The following SHBG variants were observed in gnomAD, a reference collection of about 807,000 sequenced individuals.
The protein encoded by SHBG is sex hormone binding globulin.
Under a neutral mutation model 41.9 loss-of-function variants are expected in SHBG, and 37 were observed. The observed-to-expected ratio is 0.88, with a 90% CI of 0.68 to 1.16. The LOEUF (loss-of-function observed/expected upper bound fraction) is 1.16, where lower values mean the gene tolerates loss of function less well. Ranked by LOEUF, SHBG falls within the 50% of genes most tolerant of loss-of-function variation. The pLI is 0.00. For missense variants in SHBG, 466 were observed against 499.9 expected, an observed-to-expected ratio of 0.93 and a Z score of 0.65; for synonymous variants, 217 against 205.8, an observed-to-expected ratio of 1.05 and a Z score of -0.47.
upstream of SHBG, chr17:7,630,050 C>T: frequency 2.4e-6 from 2 of 823,014 alleles, no homozygotes; most frequent in Non-Finnish European, 2.1e-6. This position sits in a 1 kb window ranked among gnomAD's most constrained non-coding sequence, Gnocchi z 4.6. Context: ...GTCAGTGCCC[C>T]TGTTTCCTTT....
chr17:7,617,354 C>A (rs1453508728), intron 1 of SHBG, among the ~76,000 whole-genome samples: 2 of 152,082 alleles, frequency 1.3e-5, no homozygotes, highest in Non-Finnish European at 2.9e-5. Context: ...GTAATCCCAG[C>A]ACTTTGGGAG....
chr17:7,621,602 A>T (rs1165226163), intron 1 of SHBG, among the ~76,000 whole-genome samples: 1 of 44,498 alleles, frequency 2.2e-5, no homozygotes, highest in African/African-American at 4.1e-5. Context: ...GTCTCCGTCT[A>T]AAAAAAAAAA....
chr17:7,618,443 GTTTTTTTTGT>G (rs2072031602), intron 1 of SHBG, among the ~76,000 whole-genome samples: 1 of 72,530 alleles, frequency 1.4e-5, no homozygotes, highest in Non-Finnish European at 2.9e-5. Flanking sequence ...GGCTAGGTTT[GTTTTTTTTGT>G]TTTTGTTTTT....
intron 1 of SHBG, chr17:7,614,366 A>C: frequency 9.9e-7 from 1 of 1,011,478 alleles, no homozygotes; most frequent in Non-Finnish European, 1.4e-6. Flanking sequence ...ACTCAGCTCC[A>C]GAAGCTCGAT....
intron 1 of SHBG, among the ~76,000 whole-genome samples, chr17:7,622,032 A>G (rs929615266): frequency 4.7e-5 from 7 of 149,468 alleles, no homozygotes; most frequent in Admixed American, 4.7e-4. Context: ...TTTAGTAGAG[A>G]CAGGGTTTCA....
upstream of SHBG, chr17:7,626,445 C>T (rs142728060): frequency 6.1e-4 from 992 of 1,613,788 alleles, 12 homozygotes; most frequent in East Asian, 0.02. Flanking sequence ...CTAGGGATGG[C>T]GTCACTTTCC....
At chr17:7,631,548 T>G (rs773934275) in intron 4 of SHBG, 41 bp from the exon 5 acceptor site, 2 of 1,612,084 alleles carry the variant, frequency 1.2e-6, no homozygotes, top group East Asian at 4.5e-5. Flanking sequence ...TCCGATGCCC[T>G]GATTTCTACA....
chr17:7,622,831 C>T (rs2072122541), intron 1 of SHBG, among the ~76,000 whole-genome samples: 1 of 147,088 alleles, frequency 6.8e-6, no homozygotes, highest in South Asian at 2.2e-4. Flanking sequence ...AGATCGAGAC[C>T]ATCCTGACTA....
At chr17:7,629,165 A>G (rs2150965577), upstream of SHBG, among the ~76,000 whole-genome samples, 1 of 151,900 alleles carries the variant, frequency 6.6e-6, no homozygotes, top group South Asian at 2.1e-4. Flanking sequence ...TTCAGGTCAG[A>G]GGTTCGAGAT....
At chr17:7,627,070 G>C (rs925981840), upstream of SHBG, 1 of 1,613,164 alleles carries the variant, frequency 6.2e-7, no homozygotes, top group Non-Finnish European at 8.5e-7. The surrounding 1 kb of genome is among the most constrained non-coding windows in gnomAD (Gnocchi z 4.8). Context: ...GGGGAGTAAG[G>C]CTTCTGGAAG....
chr17:7,629,264 A>G (rs1597914872), upstream of SHBG, among the ~76,000 whole-genome samples: 2 of 146,778 alleles, frequency 1.4e-5, no homozygotes, highest in African/African-American at 5.1e-5. Flanking sequence ...TGTAGTCCCA[A>G]CTACTAAGGA....
Position 7,630,672 on chromosome 17 carries a change from C to T in SHBG, c.204-8C>T. The T allele has an allele frequency of 6.2e-7, 1 of 1,613,028 alleles. No homozygotes were observed. The highest frequency in any genetic ancestry group is 8.5e-7 in the Non-Finnish European group (1 of 1,179,232). ...ACATACACAATCTTTCCTTCTGTGT[C>T]CTTCCAGAACCTCCTCCTCCTTTGA... On this transcript the variant is annotated splice_region_variant and splice_polypyrimidine_tract_variant and intron_variant, in intron 2 of 7. Transcript: ENST00000380450. The surrounding 1 kb of genome is among the most constrained non-coding windows in gnomAD (Gnocchi z 4.6).
chr17:7,629,825 G>C (rs1024333870), upstream of SHBG, among the ~76,000 whole-genome samples: 1 of 152,188 alleles, frequency 6.6e-6, no homozygotes, highest in Non-Finnish European at 1.5e-5. Context: ...CTAGACCTCA[G>C]GCCTGTGAAT....
At position 7,631,208 on chromosome 17, in the gene SHBG, C is replaced by G; in HGVS notation, c.402C>G (p.Val134=). Residue 134 remains valine (V), a synonymous_variant, in exon 4 of 8, where the codon GTC becomes GTG. Coordinates refer to ENST00000380450, the MANE Select transcript of SHBG (RefSeq NM_001040.5). ...TTCCCACCTTCCTGCAGGTGGAAGT[C>G]AAGATGGAGGGGGACTCTGTGCTGC... is the stretch of plus-strand genomic sequence containing the variant. ...LDDGRWHQVE[V]KMEGDSVLLE... is the part of the protein sequence containing the mutation. 1 of 1,560,698 alleles carries G rather than the reference C, an allele frequency of 6.4e-7. No homozygotes were observed. The highest frequency in any genetic ancestry group is 8.7e-7 in the Non-Finnish European group (1 of 1,152,310).
Position 7,630,307 on chromosome 17 carries a change from C to A in SHBG, c.111+24C>A, listed in dbSNP as rs778316872. ...AGGTGCAGGAGCGGGACAGGGCACTCAGCTCATGCAGTCTTCCCTTCTCTC... is the reference window on the plus strand; with the variant it reads ...AGGTGCAGGAGCGGGACAGGGCACTAAGCTCATGCAGTCTTCCCTTCTCTC... On this transcript the variant is annotated intron_variant, in intron 1 of 7. Transcript: ENST00000380450. The surrounding 1 kb of genome is among the most constrained non-coding windows in gnomAD (Gnocchi z 4.6). 1 of 1,600,474 alleles carries A rather than the reference C, an allele frequency of 6.2e-7. No homozygotes were observed. Among genetic ancestry groups the A allele is most frequent in the East Asian group, 2.2e-5 (1 of 44,764 alleles).
At chr17:7,625,748 G>A (rs898308964), upstream of SHBG, among the ~76,000 whole-genome samples, 9 of 151,540 alleles carry the variant, frequency 5.9e-5, no homozygotes, top group African/African-American at 1.9e-4. Context: ...AAAATTAGCC[G>A]CATGTGGTAG....
At position 7,630,644 on chromosome 17, in the gene SHBG, A is replaced by G. The variant is rs940303059; in HGVS notation, c.204-36A>G. The G allele has an allele frequency of 6.3e-7, 1 of 1,594,982 alleles. No homozygotes were observed. Among genetic ancestry groups the G allele is most frequent in the East Asian group, 2.2e-5 (1 of 44,784 alleles). The stretch of plus-strand genomic sequence containing the variant: ...ACCCACACTGGTTCTCAAAGGACAC[A>G]TGACATACACAATCTTTCCTTCTGT... On this transcript the variant is annotated intron_variant, in intron 2 of 7. Transcript: ENST00000380450. The surrounding 1 kb of genome is among the most constrained non-coding windows in gnomAD (Gnocchi z 4.6).
upstream of SHBG, chr17:7,627,811 C>G (rs1230352439): frequency 1.4e-6 from 1 of 728,462 alleles, no homozygotes; most frequent in Non-Finnish European, 2.5e-6. The surrounding 1 kb of genome is among the most constrained non-coding windows in gnomAD (Gnocchi z 4.8). Flanking sequence ...CGGCGCCGTA[C>G]GGGAGGAGAG....
intron 1 of SHBG, among the ~76,000 whole-genome samples, chr17:7,619,889 A>G (rs2072059865): frequency 6.6e-6 from 1 of 151,996 alleles, no homozygotes; most frequent in Admixed American, 6.6e-5. Context: ...AACAAAAAAC[A>G]CTGGAGTGCA....
Sources: allele counts gnomAD v4.1 joint callset (sites outside exome capture counted in the v4.1 genomes callset), GRCh38; gene constraint gnomAD v4.1.1; non-coding constraint Gnocchi (gnomAD v3.1); transcripts MANE v1.5; gene names NCBI Gene and HGNC (gene_info 2026-07-23, HGNC 2026-07-21).